Variants in MYCBP2 observed in about 807,000 individuals in gnomAD.
The protein encoded by MYCBP2 is MYC binding protein 2.
MYCBP2 carries 120 observed loss-of-function variants against 525.3 expected under a neutral mutation model. That is an observed-to-expected ratio of 0.23 (90% CI 0.20 to 0.27). The LOEUF is 0.27. Ranked by LOEUF, MYCBP2 falls within the 10% of genes least tolerant of loss-of-function variation. MYCBP2 has a pLI of 1.00. For synonymous variants in MYCBP2, 1,894 were observed against 1,955.8 expected (o/e 0.97, Z 0.83); for missense variants, 4,149 against 5,657.1 (o/e 0.73, Z 8.55).
chr13:77,197,360 A>T (rs374625362), intron 26 of MYCBP2, among the ~76,000 whole-genome samples: 54 of 152,286 alleles, frequency 3.5e-4, no homozygotes, highest in African/African-American at 1.2e-3. Flanking sequence ...GAGATATAGG[A>T]GGCCTATCAA....
At chr13:77,190,509 AAAATG>A (rs1304364871) in intron 28 of MYCBP2, among the ~76,000 whole-genome samples, 174 bp from the exon 29 acceptor site, 1 of 152,212 alleles carries the variant, frequency 6.6e-6, no homozygotes, top group Non-Finnish European at 1.5e-5. Context: ...GTTAGTCAGT[AAAATG>A]AAAGAACTGA....
intron 61 of MYCBP2, among the ~76,000 whole-genome samples, chr13:77,088,170 A>G (rs2044698845): frequency 6.6e-6 from 1 of 152,286 alleles, no homozygotes; most frequent in South Asian, 2.1e-4. Flanking sequence ...AAAAAACAGG[A>G]AAAATAATTT....
intron 15 of MYCBP2, among the ~76,000 whole-genome samples, chr13:77,250,563 G>T (rs1192524816): frequency 6.6e-6 from 1 of 152,148 alleles, no homozygotes; most frequent in African/African-American, 2.4e-5. Flanking sequence ...CATCCTAGCA[G>T]AAAACCTGCA....
At chr13:77,278,513 G>T (rs1443888328) in intron 4 of MYCBP2, among the ~76,000 whole-genome samples, 3 of 152,162 alleles carry the variant, frequency 2.0e-5, no homozygotes, top group Non-Finnish European at 1.5e-5. Context: ...CTTCATAAGA[G>T]AAGCTCTTCA....
intron 1 of MYCBP2, among the ~76,000 whole-genome samples, chr13:77,321,305 C>T (rs897722489): frequency 6.6e-6 from 1 of 152,188 alleles, no homozygotes; most frequent in Admixed American, 6.5e-5. Context: ...TTTCTACCTA[C>T]CAGTATACCA....
Position 77,180,259 on chromosome 13 carries a change from G to T in MYCBP2, c.5001C>A (p.Val1667=). 1 of 1,614,132 alleles carries T rather than the reference G, an allele frequency of 6.2e-7. No homozygotes were observed. The highest frequency in any genetic ancestry group is 1.1e-5 in the South Asian group (1 of 91,070). ...SFREVLEKML[V]IVVLPVRNSL... ...TGTTCCTGACTGGTAGCACAACAATGACCAGCATTTTCTCCAGAACTTCAC... is the reference window on the plus strand; with the variant it reads ...TGTTCCTGACTGGTAGCACAACAATTACCAGCATTTTCTCCAGAACTTCAC... Residue 1667 remains valine, a synonymous_variant, in exon 34 of 83, where the codon GTC becomes GTA. Transcript: ENST00000544440.
At chr13:77,070,573 AACACACAC>A in intron 69 of MYCBP2, 50 bp downstream of exon 69, 3 of 1,079,404 alleles carry the variant, frequency 2.8e-6, no homozygotes, top group Non-Finnish European at 4.1e-6. Flanking sequence ...CAAACAAACA[AACACACAC>A]ACACACACAC....
chr13:77,207,099 T>C (rs2063437528), intron 23 of MYCBP2, among the ~76,000 whole-genome samples: 1 of 152,286 alleles, frequency 6.6e-6, no homozygotes, highest in South Asian at 2.1e-4. Context: ...TTTTGATACA[T>C]ACATATAAAT....
Position 77,212,002 on chromosome 13 carries a change from A to C in MYCBP2, c.3216T>G (p.Ser1072=), listed in dbSNP as rs748233795. ...FLRIDEALIN[S]HVLATSEIFA... is the part of the protein sequence containing the mutation. Reference sequence around the variant, plus strand: ...AAATTTCTGATGTAGCAAGTACATGAGAATTAATAAGTGCTTCATCAATTC... The same window carrying C: ...AAATTTCTGATGTAGCAAGTACATGCGAATTAATAAGTGCTTCATCAATTC... Residue 1072 remains serine (S), a synonymous_variant, in exon 22 of 83, where the codon TCT becomes TCG. Coordinates refer to ENST00000544440, the MANE Select transcript of MYCBP2 (RefSeq NM_015057.5). 6.2e-7 allele frequency: 1 copy of C among 1,614,100 alleles called. No homozygotes were observed. The highest frequency in any genetic ancestry group is 8.5e-7 in the Non-Finnish European group (1 of 1,179,964).
intron 26 of MYCBP2, among the ~76,000 whole-genome samples, chr13:77,203,584 C>G (rs1365636885): frequency 6.6e-6 from 1 of 152,184 alleles, no homozygotes; most frequent in Admixed American, 6.5e-5. Flanking sequence ...GCCCGCAAGA[C>G]CAAGTCAATC....
intron 26 of MYCBP2, among the ~76,000 whole-genome samples, chr13:77,202,825 C>G (rs1394248848): frequency 1.3e-5 from 2 of 152,124 alleles, no homozygotes; most frequent in Non-Finnish European, 2.9e-5. Flanking sequence ...GCAGAAAAGG[C>G]CTTTGACAAA....
At chr13:77,225,910 A>G (rs2066189036) in intron 18 of MYCBP2, among the ~76,000 whole-genome samples, 1 of 152,208 alleles carries the variant, frequency 6.6e-6, no homozygotes, top group South Asian at 2.1e-4. Context: ...TACTGCATGC[A>G]AAGTCATTTA....
Position 77,203,399 on chromosome 13 carries a change from T to C in MYCBP2, c.3843+1857A>G, listed in dbSNP as rs1166503635. Among the ~76,000 whole-genome samples the C allele has an allele frequency of 2.3e-3, 354 of 152,072 alleles. 3 individuals carry two copies. Among genetic ancestry groups the C allele is most frequent in the Admixed American group, 5.4e-3 (83 of 15,284 alleles). ...CACTGCTCAAGGAAATAAAAGAGGA[T>C]ACAAACAAATGGAAGAACATCCCAT... On this transcript the variant is annotated intron_variant, in intron 26 of 82. Transcript: ENST00000544440.
At chr13:77,193,076 T>A (rs770738468) in intron 27 of MYCBP2, among the ~76,000 whole-genome samples, 1 of 151,788 alleles carries the variant, frequency 6.6e-6, no homozygotes, top group African/African-American at 2.4e-5. Context: ...TTGCAGTGAG[T>A]TGAGATCACA....
chr13:77,274,138 C>T (rs978318896), intron 4 of MYCBP2, among the ~76,000 whole-genome samples: 2 of 152,196 alleles, frequency 1.3e-5, no homozygotes, highest in African/African-American at 4.8e-5. Context: ...TAGCAATTCA[C>T]ACTTAGGATG....
At chr13:77,153,064 CAAAAAAA>C (rs34811244) in intron 46 of MYCBP2, among the ~76,000 whole-genome samples, 3 of 78,908 alleles carry the variant, frequency 3.8e-5, no homozygotes, top group African/African-American at 4.9e-5. Flanking sequence ...GACTCTGTCT[CAAAAAAA>C]AAAAAAAAAA....
At chr13:77,048,102 T>A (rs113327532) in intron 82 of MYCBP2, among the ~76,000 whole-genome samples, 5 of 152,138 alleles carry the variant, frequency 3.3e-5, no homozygotes, top group African/African-American at 1.2e-4. Context: ...GACTACAACA[T>A]TAACACCAAT....
intron 18 of MYCBP2, among the ~76,000 whole-genome samples, chr13:77,225,781 CAG>C (rs1238373763): frequency 6.6e-6 from 1 of 152,024 alleles, no homozygotes; most frequent in East Asian, 1.9e-4. Context: ...TTAATAAAAA[CAG>C]AGATAAGATC....
chr13:77,124,117 T>C (rs2051233998), intron 54 of MYCBP2, among the ~76,000 whole-genome samples: 1 of 152,180 alleles, frequency 6.6e-6, no homozygotes, highest in Non-Finnish European at 1.5e-5. Flanking sequence ...CAGCATGGTG[T>C]AATGAGTACA....
Sources: allele counts gnomAD v4.1 joint callset (sites outside exome capture counted in the v4.1 genomes callset), GRCh38; gene constraint gnomAD v4.1.1; transcripts MANE v1.5; gene names NCBI Gene and HGNC (gene_info 2026-07-23, HGNC 2026-07-21).